The following GRM8 variants were observed in gnomAD, a reference collection of about 807,000 sequenced individuals.
GRM8 encodes metabotropic glutamate receptor 8.
In GRM8, 47 loss-of-function variants were observed where a neutral mutation model predicts 87.2. The ratio of observed to expected loss-of-function variants is 0.54; its 90% CI spans 0.43 to 0.69. The LOEUF (loss-of-function observed/expected upper bound fraction) is 0.69, where lower values mean the gene tolerates loss of function less well. Among genes scored for constraint, GRM8 ranks in the 30% least tolerant of loss-of-function variants. The probability of loss-of-function intolerance (pLI) is 0.00; values close to 1 mark genes in which losing one functional copy is unlikely to be tolerated. For missense variants in GRM8, 1,019 were observed against 1,139.2 expected (o/e 0.89, Z 1.52); for synonymous variants, 396 against 404.5 (o/e 0.98, Z 0.25).
chr7:127,073,874 T>C (rs1821981334), intron 3 of GRM8, among the ~76,000 whole-genome samples: 2 of 152,224 alleles, frequency 1.3e-5, no homozygotes, highest in Admixed American at 1.3e-4. Context: ...ATATGAGTCA[T>C]TGGCTCTTAA....
At chr7:126,812,084 A>G (rs1793353012) in intron 6 of GRM8, among the ~76,000 whole-genome samples, 1 of 152,058 alleles carries the variant, frequency 6.6e-6, no homozygotes, top group African/African-American at 2.4e-5. Flanking sequence ...TATGCAATAT[A>G]TCCATGTAAC....
At chr7:126,709,039 T>C (rs1281000612) in intron 7 of GRM8, among the ~76,000 whole-genome samples, 1 of 152,146 alleles carries the variant, frequency 6.6e-6, no homozygotes. Context: ...CCATGATGTA[T>C]GTGTATTACA....
intron 7 of GRM8, among the ~76,000 whole-genome samples, chr7:126,765,620 G>T (rs911185536): frequency 5.9e-5 from 9 of 152,064 alleles, no homozygotes; most frequent in African/African-American, 2.2e-4. Flanking sequence ...ATTGCCTATA[G>T]ATCAGTCTGG....
At chr7:127,031,972 T>C (rs1341429868) in intron 3 of GRM8, among the ~76,000 whole-genome samples, 1 of 152,128 alleles carries the variant, frequency 6.6e-6, no homozygotes, top group African/African-American at 2.4e-5. Context: ...TAATTAGTTG[T>C]TCATATTCAT....
intron 2 of GRM8, among the ~76,000 whole-genome samples, chr7:127,143,079 C>A (rs539434262): frequency 6.6e-6 from 1 of 152,258 alleles, no homozygotes; most frequent in South Asian, 2.1e-4. Context: ...CCCCTTCTCC[C>A]TTTCAAGCTG....
At chr7:126,805,871 T>C (rs10216314) in intron 6 of GRM8, among the ~76,000 whole-genome samples, 57,058 of 152,096 alleles carry the variant, frequency 0.38, 11,915 homozygotes, top group Non-Finnish European at 0.47. Context: ...TAGTTTGAGC[T>C]GGTCTCACAG....
At chr7:126,728,349 T>G (rs1813235428) in intron 7 of GRM8, among the ~76,000 whole-genome samples, 1 of 152,170 alleles carries the variant, frequency 6.6e-6, no homozygotes, top group Non-Finnish European at 1.5e-5. Flanking sequence ...AATTTCCCTT[T>G]GCTTCCTGAA....
chr7:126,876,267 G>GA (rs1168329192), intron 6 of GRM8, among the ~76,000 whole-genome samples: 1 of 151,946 alleles, frequency 6.6e-6, no homozygotes, highest in Non-Finnish European at 1.5e-5. Flanking sequence ...CTGCAATATG[G>GA]AAAAAACGCT....
intron 9 of GRM8, among the ~76,000 whole-genome samples, chr7:126,476,532 A>C (rs888933417): frequency 4.6e-5 from 7 of 152,180 alleles, no homozygotes; most frequent in Non-Finnish European, 5.9e-5. Flanking sequence ...ATATGTAAGA[A>C]AGTCATATAA....
chr7:126,855,306 C>A (rs1797574455), intron 6 of GRM8, among the ~76,000 whole-genome samples: 1 of 152,028 alleles, frequency 6.6e-6, no homozygotes, highest in Non-Finnish European at 1.5e-5. Flanking sequence ...TGCTAGCTAA[C>A]TTGCATATTT....
At chr7:126,983,149 G>A (rs185089628) in intron 3 of GRM8, among the ~76,000 whole-genome samples, 2 of 152,184 alleles carry the variant, frequency 1.3e-5, no homozygotes, top group East Asian at 3.9e-4. Flanking sequence ...AGGAATCATT[G>A]TTGTGTCTCC....
intron 6 of GRM8, among the ~76,000 whole-genome samples, chr7:126,785,592 A>AAAGACCCGGGTCTTTT (rs1348054742): frequency 7.9e-5 from 12 of 152,006 alleles, no homozygotes; most frequent in Non-Finnish European, 4.4e-5. Flanking sequence ...ACCTTTCTTA[A>AAAGACCCGGGTCTTTT]AAGACCCGGG....
intron 7 of GRM8, among the ~76,000 whole-genome samples, chr7:126,621,030 T>C (rs1260510968): frequency 1.3e-5 from 2 of 152,184 alleles, no homozygotes; most frequent in African/African-American, 4.8e-5. Flanking sequence ...GTTAATTTAG[T>C]AATTTTTAGC....
intron 6 of GRM8, among the ~76,000 whole-genome samples, chr7:126,794,491 C>A (rs1821744557): frequency 6.6e-6 from 1 of 152,104 alleles, no homozygotes. Flanking sequence ...TGATAGCAAA[C>A]AACAGGACAC....
At chr7:127,125,765 A>ACACACACACAC (rs1554598093) in intron 2 of GRM8, among the ~76,000 whole-genome samples, 1 of 141,094 alleles carries the variant, frequency 7.1e-6, no homozygotes, top group African/African-American at 2.7e-5. Flanking sequence ...CAAACAACTA[A>ACACACACACAC]ACACACACAC....
chr7:126,648,539 A>G (rs1280655720), intron 7 of GRM8, among the ~76,000 whole-genome samples: 1 of 152,232 alleles, frequency 6.6e-6, no homozygotes, highest in Non-Finnish European at 1.5e-5. Flanking sequence ...TGTCTGTCAC[A>G]GCTCTAAAGA....
chr7:126,589,038 A>G (rs1053393664), intron 8 of GRM8, among the ~76,000 whole-genome samples: 1 of 152,136 alleles, frequency 6.6e-6, no homozygotes, highest in African/African-American at 2.4e-5. Flanking sequence ...TGCCAGTGGA[A>G]CTGGGAAAAG....
intron 7 of GRM8, among the ~76,000 whole-genome samples, chr7:126,650,991 T>A (rs1052861586): frequency 2.6e-5 from 4 of 152,112 alleles, no homozygotes; most frequent in African/African-American, 9.7e-5. Flanking sequence ...TATGGCACCA[T>A]TCCTTGAGGT....
At chr7:126,656,941 A>C (rs991035101) in intron 7 of GRM8, among the ~76,000 whole-genome samples, 3 of 152,240 alleles carry the variant, frequency 2.0e-5, no homozygotes, top group Non-Finnish European at 2.9e-5. Flanking sequence ...GCAACAGATT[A>C]ATGCATTAGC....
Sources: gnomAD v4.1 joint callset for allele counts (sites outside exome capture counted in the v4.1 genomes callset) on GRCh38, gnomAD v4.1.1 for gene constraint, MANE v1.5 for transcripts, NCBI Gene and HGNC (gene_info 2026-07-23, HGNC 2026-07-21) for gene names.